IPO5: variants seen among roughly 807,000 people sequenced by gnomAD.
IPO5 encodes importin-5.
A neutral mutation model predicts 143.3 loss-of-function variants in IPO5; 18 were observed. The observed-to-expected ratio is 0.13, with a 90% CI of 0.09 to 0.19. The LOEUF is 0.19. Ranked by LOEUF, IPO5 falls within the 10% of genes least tolerant of loss-of-function variation. IPO5 has a pLI of 1.00. For synonymous variants in IPO5, 477 were observed against 465.7 expected, an observed-to-expected ratio of 1.02 and a Z score of -0.31; for missense variants, 1,013 against 1,336.9, an observed-to-expected ratio of 0.76 and a Z score of 3.78.
At chr13:98,013,281 G>A (rs986752013) in intron 21 of IPO5, among the ~76,000 whole-genome samples, 68 of 152,194 alleles carry the variant, frequency 4.5e-4, no homozygotes, top group African/African-American at 1.4e-3. Context: ...CTTTCACCAC[G>A]TTGGCCAGGC....
intron 16 of IPO5, 97 bp downstream of exon 16, chr13:98,003,134 C>A: frequency 1.1e-6 from 1 of 923,576 alleles, no homozygotes; most frequent in Non-Finnish European, 1.7e-6. Context: ...GCAGCATGAC[C>A]ATAAAGAATA....
intron 2 of IPO5, among the ~76,000 whole-genome samples, chr13:97,957,478 G>C (rs1190449112): frequency 2.0e-5 from 3 of 152,116 alleles, no homozygotes; most frequent in African/African-American, 7.2e-5. Context: ...TTACAGGCAT[G>C]AGCCACCGCA....
chr13:97,976,950 C>G (rs1257231027), intron 4 of IPO5, 164 bp downstream of exon 4: 1 of 161,838 alleles, frequency 6.2e-6, no homozygotes, highest in Non-Finnish European at 1.3e-5. Flanking sequence ...GGCTCCCGGT[C>G]GTGCCCCCGG....
At chr13:97,999,242 A>T (rs767615390) in intron 12 of IPO5, among the ~76,000 whole-genome samples, 45 of 152,208 alleles carry the variant, frequency 3.0e-4, no homozygotes, top group Non-Finnish European at 4.4e-4. Context: ...TGGCTTTAGA[A>T]TATATATGCA....
rs540472455 is a variant in IPO5, at chr13:97,972,849, T to C, written c.-5+3019T>C. 2.0e-5 allele frequency among the ~76,000 whole-genome samples: 3 copies of C among 151,444 alleles called. No individual in the cohort carries two copies. In the East Asian group the frequency reaches 6.2e-4, roughly 31 times the overall value. The stretch of plus-strand genomic sequence containing the variant: ...CTTTTTATTATCCCCATTTTATAGA[T>C]GAGAAATTGAGGCTTAGCGACATTA... On this transcript the variant is annotated intron_variant, in intron 3 of 28. Coordinates refer to ENST00000651721, the MANE Select transcript of IPO5 (RefSeq NM_002271.6).
rs1214149936 is a variant in IPO5, at chr13:98,023,854, C to T, written c.*2032C>T. 1 of 152,148 alleles carries T rather than the reference C, an allele frequency of 6.6e-6. No homozygotes were observed. Among genetic ancestry groups the T allele is most frequent in the African/African-American group, 2.4e-5 (1 of 41,420 alleles). 9.4% of individuals were successfully genotyped at this position (152,148 alleles called of 1,614,324 possible). A position where few individuals can be genotyped will look rare whatever the true frequency, so the allele number is the denominator to read the frequency against. The stretch of plus-strand genomic sequence containing the variant: ...CTGTTAGTGTGACATGATTCTGAAA[C>T]CCAGAGCTCAGAACTAACTGTGAGA... On this transcript the variant is annotated 3_prime_UTR_variant, in exon 29 of 29. Transcript: ENST00000651721.
At chr13:97,978,104 A>AT (rs1886535309) in intron 4 of IPO5, among the ~76,000 whole-genome samples, 1 of 152,226 alleles carries the variant, frequency 6.6e-6, no homozygotes, top group Admixed American at 6.5e-5. Flanking sequence ...TATTCACTTC[A>AT]TTAAGTTTTT....
chr13:97,978,381 C>A (rs983125539), intron 4 of IPO5, among the ~76,000 whole-genome samples: 1 of 152,024 alleles, frequency 6.6e-6, no homozygotes, highest in African/African-American at 2.4e-5. Context: ...TATAAGCAAC[C>A]CTCTATGAAA....
chr13:98,017,241 C>CAT (rs140562728), intron 25 of IPO5, among the ~76,000 whole-genome samples: 3,673 of 148,072 alleles, frequency 0.025, 116 homozygotes, highest in African/African-American at 0.078. Context: ...GGATAATGGG[C>CAT]ATATATATAT....
At chr13:98,007,866 G>A (rs1015237264) in intron 17 of IPO5, among the ~76,000 whole-genome samples, 193 bp from the exon 18 acceptor site, 1 of 152,198 alleles carries the variant, frequency 6.6e-6, no homozygotes, top group Non-Finnish European at 1.5e-5. Flanking sequence ...CTGCCCTTCA[G>A]TGGAAAATAT....
chr13:98,017,542 C>G (rs923787678), intron 25 of IPO5, among the ~76,000 whole-genome samples: 8 of 152,052 alleles, frequency 5.3e-5, no homozygotes, highest in African/African-American at 1.9e-4. Context: ...TAGTGATCCA[C>G]CCGCCTCGGC....
At chr13:97,959,171 C>CAA (rs776169471) in intron 2 of IPO5, among the ~76,000 whole-genome samples, 2 of 126,678 alleles carry the variant, frequency 1.6e-5, no homozygotes, top group Admixed American at 8.1e-5. Flanking sequence ...GACTGTGTCT[C>CAA]AAAAAAAAAA....
At chr13:97,955,220 C>T (rs1352512139) in intron 2 of IPO5, among the ~76,000 whole-genome samples, 1 of 150,410 alleles carries the variant, frequency 6.6e-6, no homozygotes, top group Non-Finnish European at 1.5e-5. Flanking sequence ...CAGAGTGGGA[C>T]CCTATCACGA....
At chr13:97,992,067 A>C (rs1030910381) in intron 9 of IPO5, among the ~76,000 whole-genome samples, 45 of 152,242 alleles carry the variant, frequency 3.0e-4, no homozygotes, top group Non-Finnish European at 1.5e-4. Context: ...TAAAGGATTT[A>C]GTGAAACTTC....
intron 2 of IPO5, among the ~76,000 whole-genome samples, chr13:97,957,401 C>T (rs1233003351): frequency 1.3e-5 from 2 of 151,926 alleles, no homozygotes; most frequent in Non-Finnish European, 2.9e-5. Flanking sequence ...CAAGGTTTCA[C>T]CATGTTGGCC....
At chr13:97,964,445 T>A (rs1166158552) in intron 2 of IPO5, among the ~76,000 whole-genome samples, 4 of 96,840 alleles carry the variant, frequency 4.1e-5, no homozygotes, top group Non-Finnish European at 9.3e-5. Context: ...ATTTCTTTCT[T>A]TTTTTTTTTT....
chr13:98,021,812 A>T lies in IPO5; in HGVS notation c.3284A>T (p.Asn1095Ile). ...CAGGCCGCCATTCAGGAGCTCCTGA[A>T]CTCTGCGTGAAGGGCCTTAATGTCA... is the stretch of plus-strand genomic sequence containing the variant. ...EQQAAIQELL[N>I]SA The change falls in exon 29 of 29, where the codon AAC becomes ATC. Residue 1095 changes from asparagine (N) to isoleucine (I), a missense_variant. By Grantham distance (149) the Asn-to-Ile change is moderately radical. This residue lies in a region of IPO5 where 685 missense variants were observed against 994.9 expected (regional missense o/e 0.69). Transcript: ENST00000651721. 1 of 1,602,656 alleles carries T rather than the reference A, an allele frequency of 6.2e-7. No homozygotes were observed. The highest frequency in any genetic ancestry group is 8.5e-7 in the Non-Finnish European group (1 of 1,171,328).
intron 12 of IPO5, among the ~76,000 whole-genome samples, chr13:97,998,974 C>G (rs1183101174): frequency 6.6e-6 from 1 of 152,076 alleles, no homozygotes; most frequent in African/African-American, 2.4e-5. Context: ...GAAACCCCGT[C>G]TCTATTAAAA....
At chr13:98,019,837 C>A in intron 27 of IPO5, 28 bp downstream of exon 27, 1 of 1,458,846 alleles carries the variant, frequency 6.9e-7, no homozygotes, top group Non-Finnish European at 9.6e-7. Flanking sequence ...GACCTTATTT[C>A]CTTCTCCTCC....
Sources: gnomAD v4.1 joint callset for allele counts (sites outside exome capture counted in the v4.1 genomes callset) on GRCh38, gnomAD v4.1.1 for gene constraint, gnomAD v4.1.1 regional missense constraint, MANE v1.5 for transcripts, NCBI Gene and HGNC (gene_info 2026-07-23, HGNC 2026-07-21) for gene names.